Variants in PLCL2 observed in about 807,000 individuals in gnomAD.
The protein encoded by PLCL2 is phospholipase C like 2.
Under a neutral mutation model 79.6 loss-of-function variants are expected in PLCL2, and 4 were observed. The ratio of observed to expected loss-of-function variants is 0.05; its 90% CI spans 0.02 to 0.11. PLCL2 has a LOEUF of 0.11. Ranked by LOEUF, PLCL2 falls within the 10% of genes least tolerant of loss-of-function variation. The pLI is 1.00. For missense variants in PLCL2, 895 were observed against 1,291.0 expected, an observed-to-expected ratio of 0.69 and a Z score of 4.70; for synonymous variants, 484 against 457.7, an observed-to-expected ratio of 1.06 and a Z score of -0.73.
At chr3:16,896,638 TA>T (rs1696486105) in intron 1 of PLCL2, among the ~76,000 whole-genome samples, 1 of 152,226 alleles carries the variant, frequency 6.6e-6, no homozygotes, top group Non-Finnish European at 1.5e-5. Context: ...CAAAAGCAGT[TA>T]ACAGAGCAAA....
chr3:16,900,997 AAG>A (rs1385314683), intron 1 of PLCL2, among the ~76,000 whole-genome samples: 2 of 152,214 alleles, frequency 1.3e-5, no homozygotes, highest in East Asian at 3.8e-4. Flanking sequence ...TGAGAAACCA[AAG>A]AGTTGTTTTT....
intron 3 of PLCL2, among the ~76,000 whole-genome samples, chr3:17,035,423 T>TC (rs11432064): frequency 0.58 from 88,583 of 151,832 alleles, 26,186 homozygotes; most frequent in African/African-American, 0.66. Context: ...TGACCAGTTT[T>TC]CTCTCTTATC....
chr3:17,080,173 A>G (rs1428554801), intron 5 of PLCL2, among the ~76,000 whole-genome samples: 26 of 152,180 alleles, frequency 1.7e-4, no homozygotes, highest in Admixed American at 1.2e-3. Context: ...GACAGAAAAC[A>G]TCACGCACTC....
chr3:17,064,696 AT>A (rs2064990530), intron 4 of PLCL2, among the ~76,000 whole-genome samples: 1 of 152,140 alleles, frequency 6.6e-6, no homozygotes. Flanking sequence ...TGGATCAGTC[AT>A]TTCTAAGTTA....
chr3:17,006,793 G>C (rs1027902664), intron 1 of PLCL2, among the ~76,000 whole-genome samples: 4 of 152,196 alleles, frequency 2.6e-5, no homozygotes, highest in African/African-American at 9.7e-5. Context: ...GCCACAGTGT[G>C]GTGTTTAAGC....
intron 1 of PLCL2, among the ~76,000 whole-genome samples, chr3:16,930,975 G>T (rs992402564): frequency 6.6e-6 from 1 of 151,964 alleles, no homozygotes; most frequent in Non-Finnish European, 1.5e-5. Context: ...TTTTTCCTCT[G>T]TAAAGGCAGG....
chr3:16,922,424 A>C (rs1023864827), intron 1 of PLCL2, among the ~76,000 whole-genome samples: 2 of 152,216 alleles, frequency 1.3e-5, no homozygotes, highest in Non-Finnish European at 2.9e-5. Context: ...AAAAGAAATC[A>C]TTCCTAAGAT....
At chr3:16,992,084 T>C (rs1439303052) in intron 1 of PLCL2, among the ~76,000 whole-genome samples, 1 of 152,226 alleles carries the variant, frequency 6.6e-6, no homozygotes, top group Non-Finnish European at 1.5e-5. Flanking sequence ...TCCAAGATTG[T>C]CAGTGGTGAC....
intron 4 of PLCL2, among the ~76,000 whole-genome samples, chr3:17,060,668 TTCTC>T (rs946226222): frequency 3.9e-5 from 6 of 152,308 alleles, no homozygotes; most frequent in African/African-American, 1.4e-4. Context: ...CCATATTTTG[TTCTC>T]TAAGTAGTGT....
chr3:17,011,753 C>T lies in PLCL2; in HGVS notation c.2407C>T (p.His803Tyr). ...TGCAGAACAAAGGACAAAAACAGTG[C>T]ACCAGAATGGAGACGCTCCCATTTT... ...DCAEQRTKTV[H>Y]QNGDAPIFDE... is the part of the protein sequence containing the mutation. Residue 803 changes from histidine to tyrosine, a missense_variant, in exon 2 of 6, where the codon CAC becomes TAC. This residue lies in a region of PLCL2 where 298 missense variants were observed against 459.6 expected (regional missense o/e 0.65). Coordinates refer to ENST00000615277, the MANE Select transcript of PLCL2 (RefSeq NM_001144382.2). The surrounding 1 kb of genome is among the most constrained non-coding windows in gnomAD (Gnocchi z 7.9). 1.2e-6 allele frequency: 2 copies of T among 1,614,122 alleles called. No homozygotes were observed. The highest frequency in any genetic ancestry group is 8.5e-7 in the Non-Finnish European group (1 of 1,179,996).
At position 16,979,828 on chromosome 3, in the gene PLCL2, G is replaced by A. The variant is rs1400346856; in HGVS notation, c.328-29846G>A. On this transcript the variant is annotated intron_variant, in intron 1 of 5. Coordinates refer to ENST00000615277, the MANE Select transcript of PLCL2 (RefSeq NM_001144382.2). ...TCCACAAAACCGCCATTGTCATCAT[G>A]GCCCGTTCTCAATGAGCTGTTGGGT... is the stretch of plus-strand genomic sequence containing the variant. Among the ~76,000 whole-genome samples, 4 of 150,008 alleles carry A rather than the reference G, an allele frequency of 2.7e-5. No individual in the cohort carries two copies. In the South Asian group the frequency reaches 6.4e-4, roughly 24 times the overall value.
Position 17,074,211 on chromosome 3 carries a change from C to T in PLCL2, c.3204+6146C>T, listed in dbSNP as rs370350451. Among the ~76,000 whole-genome samples, 22 of 152,296 alleles carry T rather than the reference C, an allele frequency of 1.4e-4. No individual in the cohort carries two copies. The East Asian group carries it at 3.7e-3, about 25-fold the overall frequency. ...GGCTGCAGAATGGATATTGTATTAG[C>T]AGGCATGAAAGCAATATTAATCTCC... is the stretch of plus-strand genomic sequence containing the variant. On this transcript the variant is annotated intron_variant, in intron 5 of 5. Coordinates refer to ENST00000615277, the MANE Select transcript of PLCL2 (RefSeq NM_001144382.2).
At chr3:17,049,834 C>G (rs1272087174) in intron 4 of PLCL2, among the ~76,000 whole-genome samples, 5 of 151,848 alleles carry the variant, frequency 3.3e-5, no homozygotes, top group Admixed American at 3.3e-4. Context: ...AAAAAAAATC[C>G]TAACATTTAT....
intron 4 of PLCL2, among the ~76,000 whole-genome samples, chr3:17,067,437 T>C (rs2065021419): frequency 6.6e-6 from 1 of 152,220 alleles, no homozygotes; most frequent in Admixed American, 6.5e-5. Flanking sequence ...GTAGAATAAA[T>C]GCAGAGTTAG....
Position 16,944,110 on chromosome 3 carries a change from T to C in PLCL2, c.327+58744T>C, listed in dbSNP as rs141300336. Among the ~76,000 whole-genome samples, 799 of 152,286 alleles carry C rather than the reference T, an allele frequency of 5.2e-3. 34 individuals carry two copies. The highest frequency in any genetic ancestry group is 0.048 in the Admixed American group (728 of 15,296). Reference sequence around the variant, plus strand: ...TACTAGCTGTGTGACCTTGGGAAAATTGTATAACCTTATTGAGCCTCAGCT... The same window carrying C: ...TACTAGCTGTGTGACCTTGGGAAAACTGTATAACCTTATTGAGCCTCAGCT... On this transcript the variant is annotated intron_variant, in intron 1 of 5. Transcript: ENST00000615277.
intron 1 of PLCL2, among the ~76,000 whole-genome samples, chr3:16,964,045 T>C (rs1313981690): frequency 6.6e-6 from 1 of 152,188 alleles, no homozygotes; most frequent in Non-Finnish European, 1.5e-5. Flanking sequence ...TATTATACTT[T>C]AAGTTCTAGG....
intron 4 of PLCL2, among the ~76,000 whole-genome samples, chr3:17,054,552 C>T (rs1453821182): frequency 6.6e-6 from 1 of 152,058 alleles, no homozygotes; most frequent in East Asian, 1.9e-4. Context: ...AAAGCAGGAG[C>T]AGTCATCTTC....
chr3:16,984,077 G>A (rs936577389), intron 1 of PLCL2, among the ~76,000 whole-genome samples: 2 of 152,274 alleles, frequency 1.3e-5, no homozygotes, highest in East Asian at 3.9e-4. Flanking sequence ...CAGAAGCTAT[G>A]TTATTATGTC....
At chr3:16,966,379 T>A (rs945758657) in intron 1 of PLCL2, among the ~76,000 whole-genome samples, 56 of 152,108 alleles carry the variant, frequency 3.7e-4, no homozygotes, top group Non-Finnish European at 2.9e-4. Flanking sequence ...CACTTGATCA[T>A]GGTGGATAAG....
Sources: gnomAD v4.1 joint callset for allele counts (sites outside exome capture counted in the v4.1 genomes callset) on GRCh38, gnomAD v4.1.1 for gene constraint, gnomAD v4.1.1 regional missense constraint, Gnocchi (gnomAD v3.1) non-coding constraint, MANE v1.5 for transcripts, NCBI Gene and HGNC (gene_info 2026-07-23, HGNC 2026-07-21) for gene names.